Variants in EPHB1 observed in about 807,000 individuals in gnomAD.
EPHB1 encodes the protein EPH receptor B1, also known as ephrin type-B receptor 1.
Under a neutral mutation model 94.4 loss-of-function variants are expected in EPHB1, and 30 were observed. That is an observed-to-expected ratio of 0.32 (90% CI 0.24 to 0.43). The LOEUF is 0.43. Ranked by LOEUF, EPHB1 falls within the 20% of genes least tolerant of loss-of-function variation. The probability of loss-of-function intolerance (pLI) is 1.00; values close to 1 mark genes in which losing one functional copy is unlikely to be tolerated. For synonymous variants in EPHB1, 522 were observed against 489.1 expected, an observed-to-expected ratio of 1.07 and a Z score of -0.89; for missense variants, 1,055 against 1,308.3, an observed-to-expected ratio of 0.81 and a Z score of 2.99.
intron 1 of EPHB1, among the ~76,000 whole-genome samples, chr3:134,811,948 C>G (rs904957767): frequency 1.3e-5 from 2 of 152,266 alleles, no homozygotes; most frequent in Middle Eastern, 3.4e-3. Flanking sequence ...CAGATAAGGA[C>G]GAGAGCACAG....
intron 1 of EPHB1, among the ~76,000 whole-genome samples, chr3:134,815,213 A>G (rs2036247155): frequency 6.6e-6 from 1 of 152,194 alleles, no homozygotes; most frequent in Admixed American, 6.5e-5. Flanking sequence ...AAAGTATTAT[A>G]ACAAAATGTT....
At chr3:134,797,191 G>A (rs902526941) in intron 1 of EPHB1, among the ~76,000 whole-genome samples, 2 of 152,202 alleles carry the variant, frequency 1.3e-5, no homozygotes, top group African/African-American at 4.8e-5. Flanking sequence ...GGACTGCTGG[G>A]CTTTGTAGGG....
intron 12 of EPHB1, among the ~76,000 whole-genome samples, chr3:135,239,062 C>T (rs1943718192): frequency 6.6e-6 from 1 of 152,246 alleles, no homozygotes; most frequent in Non-Finnish European, 1.5e-5. Context: ...AGTCTGGCTG[C>T]AGCCACAGCC....
At chr3:135,130,055 G>A (rs547323482) in intron 4 of EPHB1, among the ~76,000 whole-genome samples, 1 of 152,276 alleles carries the variant, frequency 6.6e-6, no homozygotes, top group South Asian at 2.1e-4. Context: ...GCAGAAGAAC[G>A]CTATGACTCC....
At chr3:134,927,631 C>T (rs2038820180) in intron 2 of EPHB1, among the ~76,000 whole-genome samples, 1 of 152,180 alleles carries the variant, frequency 6.6e-6, no homozygotes, top group Non-Finnish European at 1.5e-5. Context: ...GTTAATTTTT[C>T]CCTTGGTTTT....
chr3:135,202,856 C>G (rs899418851), intron 12 of EPHB1, among the ~76,000 whole-genome samples: 2 of 152,184 alleles, frequency 1.3e-5, no homozygotes, highest in African/African-American at 2.4e-5. Flanking sequence ...TTTGACCGAG[C>G]AATCCTTTAC....
chr3:135,229,441 AGG>A (rs987331495), intron 12 of EPHB1, among the ~76,000 whole-genome samples: 1 of 152,138 alleles, frequency 6.6e-6, no homozygotes, highest in Non-Finnish European at 1.5e-5. Context: ...TAGCTGTTGG[AGG>A]GCGGGGGCAG....
intron 1 of EPHB1, among the ~76,000 whole-genome samples, chr3:134,921,408 C>T (rs1204006363): frequency 6.6e-6 from 1 of 152,206 alleles, no homozygotes; most frequent in Admixed American, 6.5e-5. Flanking sequence ...CACACCTGTT[C>T]CCCGCATACA....
At chr3:135,055,655 C>T (rs1029247189) in intron 3 of EPHB1, among the ~76,000 whole-genome samples, 1 of 152,190 alleles carries the variant, frequency 6.6e-6, no homozygotes, top group African/African-American at 2.4e-5. Flanking sequence ...AAAGGTAGTC[C>T]TGGTAAGTCC....
chr3:135,062,098 G>T (rs1395413088), intron 3 of EPHB1, among the ~76,000 whole-genome samples: 1 of 152,146 alleles, frequency 6.6e-6, no homozygotes, highest in African/African-American at 2.4e-5. Flanking sequence ...TCGTTGATGG[G>T]CATTTGGGCT....
intron 3 of EPHB1, among the ~76,000 whole-genome samples, chr3:135,062,586 G>A (rs1937529159): frequency 6.6e-6 from 1 of 152,082 alleles, no homozygotes; most frequent in African/African-American, 2.4e-5. Context: ...CTGGATGTTA[G>A]TCCTTTGTCA....
At chr3:134,996,289 G>A (rs906501882) in intron 3 of EPHB1, among the ~76,000 whole-genome samples, 2 of 152,080 alleles carry the variant, frequency 1.3e-5, no homozygotes, top group Non-Finnish European at 2.9e-5. Flanking sequence ...ATCCTCCCAG[G>A]CTTGGGCAAT....
At position 135,252,334 on chromosome 3, in the gene EPHB1, A is replaced by G. The variant is rs71336014; in HGVS notation, c.2846+2843A>G. On this transcript the variant is annotated intron_variant, in intron 15 of 15. Transcript: ENST00000398015. ...CACCCACTAACTCGTCATCTAGCAT[A>G]AGGTATATCTCCCAATGCTATCCCT... Among the ~76,000 whole-genome samples, 5 of 145,076 alleles carry G rather than the reference A, an allele frequency of 3.4e-5. No individual in the cohort carries two copies. In the East Asian group the frequency reaches 9.9e-4, roughly 29 times the overall value.
At chr3:135,120,326 A>C (rs561296840) in intron 4 of EPHB1, among the ~76,000 whole-genome samples, 2 of 152,260 alleles carry the variant, frequency 1.3e-5, no homozygotes, top group African/African-American at 4.8e-5. Context: ...ATTTAATCCT[A>C]GGTATTTTAT....
chr3:135,092,280 TG>T (rs1181913620), intron 3 of EPHB1, among the ~76,000 whole-genome samples: 3 of 152,162 alleles, frequency 2.0e-5, no homozygotes, highest in African/African-American at 7.2e-5. Context: ...ATAAATGACC[TG>T]GGGCTCTCAG....
intron 2 of EPHB1, among the ~76,000 whole-genome samples, chr3:134,927,078 G>T (rs2038807391): frequency 1.3e-5 from 2 of 152,142 alleles, no homozygotes; most frequent in Admixed American, 1.3e-4. Flanking sequence ...GGTGATGTCT[G>T]GCTAGGACAG....
chr3:135,245,544 G>A (rs563342346), intron 13 of EPHB1, among the ~76,000 whole-genome samples: 7 of 146,130 alleles, frequency 4.8e-5, no homozygotes, highest in East Asian at 2.0e-4. Context: ...AAATCGGCCC[G>A]TGCCTGTAAT....
chr3:135,047,334 CAAGGAG>C (rs1425874687), intron 3 of EPHB1, among the ~76,000 whole-genome samples: 3 of 152,182 alleles, frequency 2.0e-5, no homozygotes, highest in Non-Finnish European at 2.9e-5. Flanking sequence ...GCAACTTTCA[CAAGGAG>C]AATGAATCAG....
intron 3 of EPHB1, among the ~76,000 whole-genome samples, chr3:135,005,525 G>A (rs1288018843): frequency 6.6e-6 from 1 of 152,226 alleles, no homozygotes; most frequent in Non-Finnish European, 1.5e-5. Flanking sequence ...ACCTAAGCAA[G>A]CCTGGGCAAT....
Sources: allele counts gnomAD v4.1 joint callset (sites outside exome capture counted in the v4.1 genomes callset), GRCh38; gene constraint gnomAD v4.1.1; transcripts MANE v1.5; gene names NCBI Gene and HGNC (gene_info 2026-07-23, HGNC 2026-07-21).